The following CNTNAP2 variants were observed in gnomAD, a reference collection of about 807,000 sequenced individuals.
CNTNAP2 encodes the protein contactin associated protein 2.
CNTNAP2 carries 98 observed loss-of-function variants against 155.2 expected under a neutral mutation model. The observed-to-expected ratio is 0.63, with a 90% CI of 0.54 to 0.75. CNTNAP2 has a LOEUF of 0.75. Among genes scored for constraint, CNTNAP2 ranks in the 30% least tolerant of loss-of-function variants. The probability of loss-of-function intolerance (pLI) is 0.00; values close to 1 mark genes in which losing one functional copy is unlikely to be tolerated. For synonymous variants in CNTNAP2, 651 were observed against 631.2 expected (o/e 1.03, Z -0.47); for missense variants, 1,727 against 1,688.1 (o/e 1.02, Z -0.40).
intron 10 of CNTNAP2, among the ~76,000 whole-genome samples, chr7:147,474,317 G>A (rs906700546): frequency 5.3e-5 from 8 of 151,924 alleles, no homozygotes; most frequent in African/African-American, 1.9e-4. Flanking sequence ...TTCTTGGCCG[G>A]GCACGGTGGC....
At chr7:147,465,874 G>A (rs7779766) in intron 10 of CNTNAP2, among the ~76,000 whole-genome samples, 1 of 151,970 alleles carries the variant, frequency 6.6e-6, no homozygotes, top group Non-Finnish European at 1.5e-5. Context: ...CAAACCTTAT[G>A]GTATCTTCTG....
chr7:146,469,222 C>T (rs1796758548), intron 1 of CNTNAP2, among the ~76,000 whole-genome samples: 1 of 152,128 alleles, frequency 6.6e-6, no homozygotes. Flanking sequence ...GTCAAGCCCA[C>T]ATCACAGCAA....
At chr7:147,938,839 GT>G (rs1800663960) in intron 14 of CNTNAP2, among the ~76,000 whole-genome samples, 1 of 152,118 alleles carries the variant, frequency 6.6e-6, no homozygotes, top group East Asian at 1.9e-4. Flanking sequence ...ACATGAGAGT[GT>G]TGACTCTCAG....
At chr7:146,589,194 G>T (rs1184157716) in intron 1 of CNTNAP2, among the ~76,000 whole-genome samples, 1 of 149,722 alleles carries the variant, frequency 6.7e-6, no homozygotes, top group East Asian at 1.9e-4. Context: ...TGGAGTGTAG[G>T]TAGGCTTACT....
chr7:148,368,717 G>A (rs191386888), intron 21 of CNTNAP2, among the ~76,000 whole-genome samples: 2 of 152,318 alleles, frequency 1.3e-5, no homozygotes, highest in Non-Finnish European at 2.9e-5. Flanking sequence ...TCCCTTTTAA[G>A]GGCTCACAAC....
intron 15 of CNTNAP2, among the ~76,000 whole-genome samples, chr7:148,008,554 C>G (rs1459720694): frequency 1.3e-5 from 2 of 152,100 alleles, no homozygotes; most frequent in Non-Finnish European, 2.9e-5. Context: ...GATCGGCTTC[C>G]AAGATCTTAT....
rs536556684 is a variant in CNTNAP2 at position 147,803,328 on chromosome 7, C to T, written c.2099-100237C>T. 1.7e-3 allele frequency among the ~76,000 whole-genome samples: 259 copies of T among 152,264 alleles called. 1 individual carries two copies. Among genetic ancestry groups the T allele is most frequent in the African/African-American group, 5.9e-3 (245 of 41,554 alleles). On this transcript the variant is annotated intron_variant, in intron 13 of 23. Coordinates refer to ENST00000361727, the MANE Select transcript of CNTNAP2 (RefSeq NM_014141.6). ...CTCTTGGGGGACAGGGTCCATGAAG[C>T]GCAACCCTGTGTTTTGTATTCATAG...
At position 146,931,272 on chromosome 7, in the gene CNTNAP2, A is replaced by G. The variant is rs1310654705; in HGVS notation, c.402+91368A>G. Among the ~76,000 whole-genome samples the G allele has an allele frequency of 3.3e-5, 5 of 152,310 alleles. No homozygotes were observed. In the South Asian group the frequency reaches 1.0e-3, roughly 32 times the overall value. ...CAGTGCAATCAAACCAGAAATCAGG[A>G]TTAAGAAACTCACTCAAAACCGCTC... On this transcript the variant is annotated intron_variant, in intron 3 of 23. Coordinates refer to ENST00000361727, the MANE Select transcript of CNTNAP2 (RefSeq NM_014141.6).
rs571136285 is a variant in CNTNAP2 at position 146,225,199 on chromosome 7, A to C, written c.97+108226A>C. Among the ~76,000 whole-genome samples, 795 of 152,214 alleles carry C rather than the reference A, an allele frequency of 5.2e-3. 4 individuals carry two copies. Among genetic ancestry groups the C allele is most frequent in the African/African-American group, 0.018 (756 of 41,474 alleles). ...CAGTGAAACAAACTGAACAAGCAGA[A>C]AAAAATATAACTCGAAACACTGATG... On this transcript the variant is annotated intron_variant, in intron 1 of 23. Transcript: ENST00000361727.
In CNTNAP2 at chr7:147,672,767, A is replaced by G. The variant is rs184566979; in HGVS notation, c.2098+33461A>G. On this transcript the variant is annotated intron_variant, in intron 13 of 23. Transcript: ENST00000361727. Reference sequence around the variant, plus strand: ...TGCAGACCCTGCTGTTATGCAAGGTACCACCATGGCTAAAAATTCACAAGA... The same window carrying G: ...TGCAGACCCTGCTGTTATGCAAGGTGCCACCATGGCTAAAAATTCACAAGA... 5 of 152,242 alleles carry G rather than the reference A, an allele frequency of 3.3e-5. No homozygotes were observed. In the East Asian group the frequency reaches 9.7e-4, roughly 29 times the overall value. The allele number at this position is 152,242 out of a possible 1,614,324, so 9.4% of individuals were successfully genotyped here. A position where few individuals can be genotyped will look rare whatever the true frequency, so the allele number is the denominator to read the frequency against.
At chr7:146,693,096 T>A (rs1800724575) in intron 1 of CNTNAP2, among the ~76,000 whole-genome samples, 1 of 152,108 alleles carries the variant, frequency 6.6e-6, no homozygotes, top group Non-Finnish European at 1.5e-5. Flanking sequence ...AATTCAGGCT[T>A]GTTAGCTATA....
chr7:146,538,058 A>G (rs1797896713), intron 1 of CNTNAP2, among the ~76,000 whole-genome samples: 1 of 152,100 alleles, frequency 6.6e-6, no homozygotes, highest in Admixed American at 6.6e-5. Flanking sequence ...AGGAAGAAAT[A>G]TCCAAGCCAG....
At chr7:148,159,335 A>G (rs1316069442) in intron 17 of CNTNAP2, among the ~76,000 whole-genome samples, 1 of 152,012 alleles carries the variant, frequency 6.6e-6, no homozygotes, top group Non-Finnish European at 1.5e-5. Flanking sequence ...CACCCTCTAT[A>G]TATTTGTTCA....
intron 22 of CNTNAP2, among the ~76,000 whole-genome samples, chr7:148,393,045 T>TATCA (rs1799388073): frequency 1.3e-5 from 2 of 151,814 alleles, no homozygotes; most frequent in Non-Finnish European, 3.0e-5. Flanking sequence ...GTTTCCTTTC[T>TATCA]ATCATCTGGC....
At chr7:147,988,072 G>A (rs1314336539) in intron 15 of CNTNAP2, among the ~76,000 whole-genome samples, 6 of 152,088 alleles carry the variant, frequency 3.9e-5, no homozygotes, top group Admixed American at 6.6e-5. Context: ...CCAGAAAGGC[G>A]GGACAACTCA....
intron 3 of CNTNAP2, among the ~76,000 whole-genome samples, chr7:146,958,468 C>T (rs1275281841): frequency 8.0e-6 from 1 of 124,428 alleles, no homozygotes; most frequent in Non-Finnish European, 1.6e-5. Flanking sequence ...GGTTGGAGTG[C>T]AGTGGCACAA....
intron 10 of CNTNAP2, among the ~76,000 whole-genome samples, chr7:147,414,600 G>A (rs1797157016): frequency 6.6e-6 from 1 of 151,926 alleles, no homozygotes; most frequent in South Asian, 2.1e-4. Context: ...TCTTAGTTAT[G>A]AATAAACAAA....
chr7:147,269,193 A>C (rs1385471116), intron 8 of CNTNAP2, among the ~76,000 whole-genome samples: 5 of 152,126 alleles, frequency 3.3e-5, no homozygotes, highest in Admixed American at 2.6e-4. Flanking sequence ...ATAAAGACTT[A>C]TTTTGTGTGT....
chr7:148,139,450 A>G (rs1805017406), intron 16 of CNTNAP2, among the ~76,000 whole-genome samples: 1 of 152,212 alleles, frequency 6.6e-6, no homozygotes, highest in Non-Finnish European at 1.5e-5. Flanking sequence ...TTTCCTGACT[A>G]ATCAGTGAGG....
Sources: allele counts gnomAD v4.1 joint callset (sites outside exome capture counted in the v4.1 genomes callset), GRCh38; gene constraint gnomAD v4.1.1; transcripts MANE v1.5; gene names NCBI Gene and HGNC (gene_info 2026-07-23, HGNC 2026-07-21).